TMEM108: variants seen among roughly 807,000 people sequenced by gnomAD.
TMEM108 encodes the protein cancer/testis antigen 124.
TMEM108 carries 12 observed loss-of-function variants against 35.1 expected under a neutral mutation model. That is an observed-to-expected ratio of 0.34 (90% CI 0.22 to 0.55). TMEM108 has a LOEUF of 0.55. TMEM108 is among the 20% of genes least tolerant of loss of function. TMEM108 has a pLI of 0.89. For synonymous variants in TMEM108, 287 were observed against 308.6 expected (o/e 0.93, Z 0.73); for missense variants, 680 against 753.3 (o/e 0.90, Z 1.14).
chr3:133,326,236 C>G, intron 3 of TMEM108, among the ~76,000 whole-genome samples: 1 of 152,142 alleles, frequency 6.6e-6, no homozygotes, highest in East Asian at 1.9e-4. Flanking sequence ...GTCTAATGGT[C>G]AAAACACATG....
chr3:133,079,085 A>G (rs1943779487), intron 2 of TMEM108, among the ~76,000 whole-genome samples: 1 of 152,186 alleles, frequency 6.6e-6, no homozygotes, highest in Non-Finnish European at 1.5e-5. Context: ...GTTCTAGAAG[A>G]ATGGATCAGA....
chr3:133,215,608 A>G lies in TMEM108; in HGVS notation c.-46-13658A>G, dbSNP rs1021491316. Among the ~76,000 whole-genome samples the G allele has an allele frequency of 2.6e-5, 4 of 152,196 alleles. No homozygotes were observed. In the South Asian group the frequency reaches 8.3e-4, roughly 32 times the overall value. The stretch of plus-strand genomic sequence containing the variant: ...TAACCCCTTGCCTGTTATAAGTTGA[A>G]GAGTTTTTGTTTTTTTCATTTTTAC... On this transcript the variant is annotated intron_variant, in intron 2 of 5. Transcript: ENST00000321871.
At chr3:133,116,873 G>A (rs138646622) in intron 2 of TMEM108, among the ~76,000 whole-genome samples, 4,200 of 152,238 alleles carry the variant, frequency 0.028, 64 homozygotes, top group Middle Eastern at 0.085. Context: ...GGGTTCAAGC[G>A]ATTCTCCTGC....
At chr3:133,163,959 G>A (rs534113878) in intron 2 of TMEM108, among the ~76,000 whole-genome samples, 12 of 152,158 alleles carry the variant, frequency 7.9e-5, no homozygotes, top group South Asian at 2.1e-4. Context: ...CCTGATTTTC[G>A]GTTTTCACAA....
At chr3:133,281,877 G>C (rs908061653) in intron 3 of TMEM108, among the ~76,000 whole-genome samples, 1 of 152,212 alleles carries the variant, frequency 6.6e-6, no homozygotes, top group Non-Finnish European at 1.5e-5. Context: ...ACAAGGACAG[G>C]CTGGGCTTGG....
At chr3:133,365,277 A>C (rs2072472300) in intron 3 of TMEM108, among the ~76,000 whole-genome samples, 1 of 152,200 alleles carries the variant, frequency 6.6e-6, no homozygotes, top group South Asian at 2.1e-4. Context: ...CATCATGATA[A>C]ATGGAAAGAG....
chr3:133,196,170 A>C (rs1379816517), intron 2 of TMEM108, among the ~76,000 whole-genome samples: 2 of 152,102 alleles, frequency 1.3e-5, no homozygotes, highest in Non-Finnish European at 2.9e-5. Flanking sequence ...ACTGTGTTCT[A>C]ATTGGAGCAG....
intron 2 of TMEM108, among the ~76,000 whole-genome samples, chr3:133,178,051 C>G (rs1178609901): frequency 6.6e-6 from 1 of 152,028 alleles, no homozygotes; most frequent in African/African-American, 2.4e-5. Context: ...CATGAGTGAA[C>G]TCCCATTCAC....
At chr3:133,114,137 CAT>C (rs1474859230) in intron 2 of TMEM108, among the ~76,000 whole-genome samples, 3 of 152,144 alleles carry the variant, frequency 2.0e-5, no homozygotes, top group Non-Finnish European at 2.9e-5. Context: ...GCTGGAGTCT[CAT>C]GTGTGCATTC....
intron 3 of TMEM108, among the ~76,000 whole-genome samples, chr3:133,339,744 C>T (rs2071606862): frequency 6.6e-6 from 1 of 151,590 alleles, no homozygotes; most frequent in African/African-American, 2.4e-5. Context: ...TGAAATAATA[C>T]CAAGTATATT....
At chr3:133,313,205 T>A (rs1326194062) in intron 3 of TMEM108, among the ~76,000 whole-genome samples, 1 of 151,610 alleles carries the variant, frequency 6.6e-6, no homozygotes, top group East Asian at 1.9e-4. Context: ...TATATAATTT[T>A]TTTTTTTTTT....
At chr3:133,098,827 C>CT (rs1190948208) in intron 2 of TMEM108, among the ~76,000 whole-genome samples, 1 of 152,186 alleles carries the variant, frequency 6.6e-6, no homozygotes, top group Non-Finnish European at 1.5e-5. Context: ...GCTTCTGTGG[C>CT]TTTGCAGGGT....
rs1944288256 is a variant in TMEM108 at position 133,116,407 on chromosome 3, G to A, written c.-47+70387G>A. On this transcript the variant is annotated intron_variant, in intron 2 of 5. Coordinates refer to ENST00000321871, the MANE Select transcript of TMEM108 (RefSeq NM_023943.4). ...TAACAACTTAGTATGAGTTTATTTT[G>A]GTGCAAAAAAAATTTGAAATCCATG... 2.2e-5 allele frequency among the ~76,000 whole-genome samples: 3 copies of A among 138,832 alleles called. No homozygotes were observed. The South Asian group carries it at 6.6e-4, about 31-fold the overall frequency. 91.1% of individuals were successfully genotyped at this position (138,832 alleles called of 152,430 possible). A position where few individuals can be genotyped will look rare whatever the true frequency, so the allele number is the denominator to read the frequency against.
chr3:133,317,007 C>T (rs1184899049), intron 3 of TMEM108, among the ~76,000 whole-genome samples: 1 of 152,176 alleles, frequency 6.6e-6, no homozygotes, highest in Admixed American at 6.5e-5. Context: ...TAAAAGAACG[C>T]TACTGAAAAT....
intron 4 of TMEM108, chr3:133,388,322 A>G: frequency 1.0e-6 from 1 of 983,582 alleles, no homozygotes; most frequent in Non-Finnish European, 1.2e-6. Context: ...CAGCTCTGCC[A>G]CTCACATACC....
intron 3 of TMEM108, among the ~76,000 whole-genome samples, chr3:133,344,794 C>T (rs1466341251): frequency 6.6e-6 from 1 of 151,718 alleles, no homozygotes; most frequent in Non-Finnish European, 1.5e-5. Flanking sequence ...GCAATTGCTA[C>T]ACTTTGTACT....
chr3:133,095,794 T>A (rs1398864618), intron 2 of TMEM108, among the ~76,000 whole-genome samples: 1 of 152,134 alleles, frequency 6.6e-6, no homozygotes, highest in Non-Finnish European at 1.5e-5. Flanking sequence ...CAGATGAAGT[T>A]TTGCTTGTTC....
chr3:133,286,507 A>AT (rs886309574), intron 3 of TMEM108, among the ~76,000 whole-genome samples: 2 of 151,692 alleles, frequency 1.3e-5, no homozygotes, highest in Admixed American at 6.6e-5. Flanking sequence ...CTAATTAAAA[A>AT]TTTTTTTTTG....
intron 2 of TMEM108, among the ~76,000 whole-genome samples, chr3:133,096,835 A>C (rs1408474024): frequency 2.6e-5 from 4 of 152,192 alleles, no homozygotes; most frequent in African/African-American, 9.6e-5. Flanking sequence ...ACACTGAATA[A>C]ATGATTTACT....
Sources: allele counts gnomAD v4.1 joint callset (sites outside exome capture counted in the v4.1 genomes callset), GRCh38; gene constraint gnomAD v4.1.1; transcripts MANE v1.5; gene names NCBI Gene and HGNC (gene_info 2026-07-23, HGNC 2026-07-21).